TMCO6: variants seen among roughly 807,000 people sequenced by gnomAD.
The protein encoded by TMCO6 is transmembrane and coiled-coil domain-containing protein 6.
Under a neutral mutation model 61.8 loss-of-function variants are expected in TMCO6, and 47 were observed. The observed-to-expected ratio is 0.76, with a 90% CI of 0.60 to 0.97. TMCO6 has a LOEUF of 0.97. TMCO6 is among the 50% of genes least tolerant of loss of function. The pLI is 0.00. For synonymous variants in TMCO6, 261 were observed against 254.2 expected (o/e 1.03, Z -0.25); for missense variants, 557 against 601.6 (o/e 0.93, Z 0.78).
the TMCO6 span, among the ~76,000 whole-genome samples, chr5:140,607,971 G>A: frequency 6.6e-6 from 1 of 151,888 alleles, no homozygotes; most frequent in Admixed American, 6.6e-5. Flanking sequence ...TGTATTTTTG[G>A]TAAAGACAGG....
the TMCO6 span, among the ~76,000 whole-genome samples, chr5:140,597,815 C>G: frequency 4.6e-5 from 7 of 152,176 alleles, no homozygotes; most frequent in Non-Finnish European, 8.8e-5. Context: ...TCAAATTTTG[C>G]CAGATGGGTT....
chr5:140,639,785 G>A lies in TMCO6; in HGVS notation c.132G>A (p.Leu44=), dbSNP rs748936973. Residue 44 remains leucine, a synonymous_variant, in exon 2 of 12, where the codon CTG becomes CTA. Transcript: ENST00000394671. ...AGCAGCAGCTGGTCAGCAAGAGGCT[G>A]CTGAGAAACGACGCCCCAGAGGAAG... The part of the protein sequence containing the change: ...RREQQLVSKR[L]LRNDAPEEAG... 6.2e-7 allele frequency: 1 copy of A among 1,609,020 alleles called. No individual in the cohort carries two copies. The highest frequency in any genetic ancestry group is 8.5e-7 in the Non-Finnish European group (1 of 1,178,332).
chr5:140,645,193 C>A lies in TMCO6; in HGVS notation c.*95C>A. 1 of 1,275,118 alleles carries A rather than the reference C, an allele frequency of 7.8e-7. No individual in the cohort carries two copies. Among genetic ancestry groups the A allele is most frequent in the South Asian group, 1.2e-5 (1 of 80,964 alleles). The allele number at this position is 1,275,118 out of a possible 1,614,324, so 79.0% of individuals were successfully genotyped here. ...GAGATTTAGGACCATAATGAGGTCT[C>A]ATGTTCTCTGCTCCCACACCTAAGC... On this transcript the variant is annotated 3_prime_UTR_variant, in exon 12 of 12. Transcript: ENST00000394671.
the TMCO6 span, among the ~76,000 whole-genome samples, chr5:140,602,540 GATC>G: frequency 6.6e-6 from 1 of 151,916 alleles, no homozygotes; most frequent in Non-Finnish European, 1.5e-5. Flanking sequence ...GAGGCACGTG[GATC>G]ACTTGAGGTC....
At chr5:140,638,216 T>C (rs371229721), upstream of TMCO6, among the ~76,000 whole-genome samples, 46 of 152,260 alleles carry the variant, frequency 3.0e-4, no homozygotes, top group South Asian at 9.5e-3. Flanking sequence ...TTGGCCGGGG[T>C]CGGGTCATAC....
intron 10 of TMCO6, 62 bp downstream of exon 10, chr5:140,644,256 T>C (rs116687149): frequency 2.6e-4 from 401 of 1,546,612 alleles, no homozygotes; most frequent in Non-Finnish European, 3.4e-4. Flanking sequence ...ACAGCAGTCC[T>C]GAGCCCTCAG....
chr5:140,597,002 A>C, the TMCO6 span, among the ~76,000 whole-genome samples: 9 of 152,370 alleles, frequency 5.9e-5, no homozygotes, highest in Admixed American at 1.3e-4. Flanking sequence ...ACTCATTAGC[A>C]TAACAGGCTC....
intron 2 of TMCO6, 109 bp from the exon 3 acceptor site, chr5:140,641,556 A>G (rs1757032300): frequency 2.4e-6 from 2 of 840,900 alleles, no homozygotes; most frequent in South Asian, 1.7e-5. Flanking sequence ...GTGAATGACA[A>G]GTTCTGAAGG....
the TMCO6 span, among the ~76,000 whole-genome samples, chr5:140,611,974 G>A: frequency 6.6e-6 from 1 of 152,202 alleles, no homozygotes; most frequent in African/African-American, 2.4e-5. Context: ...TGGGGTTTGT[G>A]TTGGAGAAAA....
the TMCO6 span, among the ~76,000 whole-genome samples, chr5:140,611,109 A>G: frequency 6.6e-6 from 1 of 152,226 alleles, no homozygotes; most frequent in South Asian, 2.1e-4. Context: ...CATAAACCTG[A>G]GAGGGGCTTC....
chr5:140,632,077 C>G, the TMCO6 span: 1 of 1,614,184 alleles, frequency 6.2e-7, no homozygotes, highest in Non-Finnish European at 8.5e-7. This position sits in a 1 kb window ranked among gnomAD's most constrained non-coding sequence, Gnocchi z 6.2. Flanking sequence ...CAGCTGAGAT[C>G]GAGCACTCTG....
chr5:140,621,842 A>G, the TMCO6 span, among the ~76,000 whole-genome samples: 34 of 152,146 alleles, frequency 2.2e-4, no homozygotes, highest in African/African-American at 6.0e-4. Flanking sequence ...AGTGAAATAG[A>G]CCCCAGTCTC....
At chr5:140,647,390 T>G (rs1307534533), downstream of TMCO6, 1 of 1,611,050 alleles carries the variant, frequency 6.2e-7, no homozygotes, top group Non-Finnish European at 8.5e-7. Flanking sequence ...GCGCCGCGCG[T>G]GCTGTGGGCG....
At chr5:140,643,386 G>C in intron 7 of TMCO6, 178 bp from the exon 8 acceptor site, 1 of 675,124 alleles carries the variant, frequency 1.5e-6, no homozygotes, top group Non-Finnish European at 2.6e-6. Flanking sequence ...TAATAGAGAC[G>C]GAGTTTCGCC....
the TMCO6 span, among the ~76,000 whole-genome samples, chr5:140,629,023 C>T: frequency 1.3e-5 from 2 of 152,098 alleles, no homozygotes; most frequent in African/African-American, 2.4e-5. Context: ...AATCCCAGCA[C>T]TTTGGGAGGC....
At chr5:140,620,083 T>A in the TMCO6 span, among the ~76,000 whole-genome samples, 4 of 152,224 alleles carry the variant, frequency 2.6e-5, no homozygotes, top group African/African-American at 9.7e-5. Context: ...CTCATGGGTG[T>A]TTACAGCAGC....
Position 140,644,829 on chromosome 5 carries a change from T to C in TMCO6, c.1368+89T>C, listed in dbSNP as rs950060354. 5.3e-5 allele frequency: 82 copies of C among 1,558,692 alleles called. 1 individual carries two copies. In the Admixed American group the frequency reaches 1.4e-3, roughly 26 times the overall value. On this transcript the variant is annotated intron_variant, in intron 11 of 11. Transcript: ENST00000394671. ...CCATCCAGTCCTAACTATAGTTGTT[T>C]CTCTGGGCCTGGCTAACCTATATAG... is the stretch of plus-strand genomic sequence containing the variant.
chr5:140,635,549 G>T (rs1489754664), upstream of TMCO6, among the ~76,000 whole-genome samples: 3 of 152,150 alleles, frequency 2.0e-5, no homozygotes, highest in Admixed American at 2.0e-4. Flanking sequence ...GGGCAGTGAT[G>T]GTTCTGCAAA....
At chr5:140,631,726 C>T in the TMCO6 span, 5 of 861,766 alleles carry the variant, frequency 5.8e-6, no homozygotes, top group Admixed American at 7.1e-5. Flanking sequence ...ATGAATGACA[C>T]GGACCCGTTG....
Sources: allele counts gnomAD v4.1 joint callset (sites outside exome capture counted in the v4.1 genomes callset), GRCh38; gene constraint gnomAD v4.1.1; non-coding constraint Gnocchi (gnomAD v3.1); transcripts MANE v1.5; gene names NCBI Gene and HGNC (gene_info 2026-07-23, HGNC 2026-07-21).